DCBLD1: variants seen among roughly 807,000 people sequenced by gnomAD.
The protein encoded by DCBLD1 is discoidin, CUB and LCCL domain-containing protein 1.
A neutral mutation model predicts 71.5 loss-of-function variants in DCBLD1; 57 were observed. That is an observed-to-expected ratio of 0.80 (90% CI 0.64 to 0.99). The LOEUF (loss-of-function observed/expected upper bound fraction) is 0.99, where lower values mean the gene tolerates loss of function less well. Ranked by LOEUF, DCBLD1 falls within the 50% of genes least tolerant of loss-of-function variation. The pLI is 0.00. For synonymous variants in DCBLD1, 380 were observed against 363.8 expected, an observed-to-expected ratio of 1.04 and a Z score of -0.51; for missense variants, 891 against 923.5, an observed-to-expected ratio of 0.96 and a Z score of 0.46.
At chr6:117,553,595 T>A (rs1779458487), downstream of DCBLD1, among the ~76,000 whole-genome samples, 1 of 152,196 alleles carries the variant, frequency 6.6e-6, no homozygotes, top group Non-Finnish European at 1.5e-5. Flanking sequence ...TCTTGGAATT[T>A]TTGTCTGCCT....
At position 117,521,862 on chromosome 6, in the gene DCBLD1, G is replaced by A. The variant is rs369622033; in HGVS notation, c.512+286G>A. 2.0e-5 allele frequency among the ~76,000 whole-genome samples: 3 copies of A among 152,280 alleles called. 1 individual carries two copies. Among genetic ancestry groups the A allele is most frequent in the South Asian group, 4.1e-4 (2 of 4,826 alleles). ...GCAAAAAAGCAACCATAGACACCAT[G>A]TATACACTAACAGACATGCTGTGTT... is the stretch of plus-strand genomic sequence containing the variant. On this transcript the variant is annotated intron_variant, in intron 4 of 14. Transcript: ENST00000338728.
In DCBLD1 at chr6:117,538,629, G is replaced by A. The variant is rs1372873684; in HGVS notation, c.770G>A (p.Arg257Lys). 6 of 1,613,834 alleles carry A rather than the reference G, an allele frequency of 3.7e-6. No homozygotes were observed. Among genetic ancestry groups the A allele is most frequent in the Non-Finnish European group, 5.1e-6 (6 of 1,179,998 alleles). ...TGCACTCTTTTTTCAGGTTGCAGCAGATCCTTGAGTTTTGAACCTGACGGG... is the reference window on the plus strand; with the variant it reads ...TGCACTCTTTTTTCAGGTTGCAGCAAATCCTTGAGTTTTGAACCTGACGGG... ...RFLFTSNGCS[R>K]SLSFEPDGQI... Residue 257 changes from arginine to lysine, a missense_variant, in exon 8 of 15, where the codon AGA becomes AAA. Physicochemically the swap from Arg to Lys is conservative, Grantham distance 26. Coordinates refer to ENST00000338728, the MANE Select transcript of DCBLD1 (RefSeq NM_001366458.2).
rs1779376614 is a variant in DCBLD1 at position 117,549,135 on chromosome 6, G to C, written c.*696G>C. 1.0e-6 allele frequency: 1 copy of C among 985,524 alleles called. No individual in the cohort carries two copies. The highest frequency in any genetic ancestry group is 1.2e-6 in the Non-Finnish European group (1 of 830,116). 61.0% of individuals were successfully genotyped at this position (985,524 alleles called of 1,614,324 possible). Reference sequence around the variant, plus strand: ...TTCCTTAGTCTCCACTTCAGAGGGGGATGCGAAGAGGTCGGCCCAGCTCCG... The same window carrying C: ...TTCCTTAGTCTCCACTTCAGAGGGGCATGCGAAGAGGTCGGCCCAGCTCCG... On this transcript the variant is annotated 3_prime_UTR_variant, in exon 15 of 15. Coordinates refer to ENST00000338728, the MANE Select transcript of DCBLD1 (RefSeq NM_001366458.2).
At chr6:117,526,430 T>C (rs1778549356) in intron 5 of DCBLD1, among the ~76,000 whole-genome samples, 1 of 152,244 alleles carries the variant, frequency 6.6e-6, no homozygotes, top group African/African-American at 2.4e-5. Context: ...TGACATTTTT[T>C]CCCAGCAATA....
At chr6:117,491,739 C>T (rs1777300267) in intron 1 of DCBLD1, among the ~76,000 whole-genome samples, 1 of 152,178 alleles carries the variant, frequency 6.6e-6, no homozygotes, top group Non-Finnish European at 1.5e-5. Flanking sequence ...CACTTTTAAT[C>T]TATCACTGAC....
intron 4 of DCBLD1, among the ~76,000 whole-genome samples, 182 bp downstream of exon 4, chr6:117,521,758 G>A (rs568673608): frequency 5.9e-5 from 9 of 152,148 alleles, no homozygotes; most frequent in African/African-American, 2.2e-4. Context: ...CTGTCAAGGG[G>A]TAGATAATAA....
Position 117,544,518 on chromosome 6 carries a change from G to C in DCBLD1, c.1446-10G>C. ...TTATAAATATTCAGTAGGACTTTTT[G>C]TCTTGATAGGAAGAAGAAGAAAGGA... is the stretch of plus-strand genomic sequence containing the variant. On this transcript the variant is annotated splice_polypyrimidine_tract_variant and intron_variant, in intron 12 of 14. Transcript: ENST00000338728. The C allele has an allele frequency of 6.2e-7, 1 of 1,613,212 alleles. No individual in the cohort carries two copies. The highest frequency in any genetic ancestry group is 1.1e-5 in the South Asian group (1 of 90,812).
At position 117,503,859 on chromosome 6, in the gene DCBLD1, GAA is replaced by G. The variant is rs780890594; in HGVS notation, c.208_209del (p.Lys70AspfsTer27). On this transcript the variant is annotated frameshift_variant, in exon 2 of 15. Coordinates refer to ENST00000338728, the MANE Select transcript of DCBLD1 (RefSeq NM_001366458.2). LOFTEE classifies it high-confidence loss of function. Reference sequence around the variant, plus strand: ...GACCTACCCCAATCACACTGTTTGCGAAAAGACAATTACAGTACCAAAGGGGA... The same window carrying G: ...GACCTACCCCAATCACACTGTTTGCGAAGACAATTACAGTACCAAAGGGGA... Reference protein sequence around the residue: ...PGTYPNHTVCEKTITVPKGKR... With the variant: ...PGTYPNHTVCXKTITVPKGKR... 7 of 1,613,950 alleles carry G rather than the reference GAA, an allele frequency of 4.3e-6. No individual in the cohort carries two copies. The African/African-American group carries it at 5.3e-5, about 12-fold the overall frequency.
chr6:117,497,051 C>T (rs1036827747), intron 1 of DCBLD1, among the ~76,000 whole-genome samples: 7 of 152,024 alleles, frequency 4.6e-5, no homozygotes, highest in African/African-American at 9.7e-5. Context: ...TGTGATTAGC[C>T]GGGCTTGGTG....
chr6:117,554,749 C>T (rs1161323408), downstream of DCBLD1, among the ~76,000 whole-genome samples: 8 of 152,032 alleles, frequency 5.3e-5, no homozygotes, highest in Admixed American at 6.6e-5. Flanking sequence ...AAAAATTGGC[C>T]GGGAGTGGTG....
At chr6:117,545,191 C>T (rs2114567409) in intron 13 of DCBLD1, among the ~76,000 whole-genome samples, 1 of 152,076 alleles carries the variant, frequency 6.6e-6, no homozygotes, top group Middle Eastern at 3.4e-3. Flanking sequence ...CATGCCAGTG[C>T]AGATTGTCGG....
At chr6:117,540,613 A>G in intron 9 of DCBLD1, 55 bp from the exon 10 acceptor site, 1 of 1,603,260 alleles carries the variant, frequency 6.2e-7, no homozygotes, top group South Asian at 1.1e-5. Flanking sequence ...TGGGATGATA[A>G]ACACCTAAAA....
intron 7 of DCBLD1, 99 bp downstream of exon 7, chr6:117,537,324 G>T: frequency 1.8e-6 from 2 of 1,102,582 alleles, no homozygotes; most frequent in Middle Eastern, 2.4e-4. Context: ...CATGAGGTCA[G>T]GAGATCGAGA....
chr6:117,568,728 C>T (rs1244725463), intron 14 of DCBLD1, among the ~76,000 whole-genome samples: 1 of 152,150 alleles, frequency 6.6e-6, no homozygotes. Flanking sequence ...TGAGAAAAAG[C>T]TTTCTAAAAA....
chr6:117,538,718 C>G lies in DCBLD1; in HGVS notation c.859C>G (p.Pro287Ala). The G allele has an allele frequency of 1.2e-6, 2 of 1,614,192 alleles. No homozygotes were observed. The highest frequency in any genetic ancestry group is 1.7e-6 in the Non-Finnish European group (2 of 1,180,044). The change falls in exon 8 of 15, where the codon CCT becomes GCT. Residue 287 changes from proline (P) to alanine (A), a missense_variant. Transcript: ENST00000338728. ...NESGDQVHWS[P>A]GQARLQDQGP... ...GAGTGGAGACCAAGTTCACTGGTCT[C>G]CTGGCCAAGCCCGACTTCAGGACCA... is the stretch of plus-strand genomic sequence containing the variant.
At chr6:117,534,265 T>C (rs1225073410) in intron 6 of DCBLD1, among the ~76,000 whole-genome samples, 1 of 152,246 alleles carries the variant, frequency 6.6e-6, no homozygotes, top group Non-Finnish European at 1.5e-5. Context: ...CACACACATA[T>C]ATATAACATT....
At chr6:117,563,428 A>G (rs765769796) in intron 14 of DCBLD1, 4 of 1,606,154 alleles carry the variant, frequency 2.5e-6, no homozygotes, top group Admixed American at 1.7e-5. Context: ...TCTGGTTTAA[A>G]AAGTTGGTTT....
intron 14 of DCBLD1, among the ~76,000 whole-genome samples, chr6:117,565,087 ATTTC>A (rs1299328555): frequency 1.3e-5 from 2 of 152,192 alleles, no homozygotes; most frequent in East Asian, 1.9e-4. Context: ...AAAAAAATTC[ATTTC>A]TTTGTTAAAA....
chr6:117,512,734 T>G (rs1778065091), intron 2 of DCBLD1, among the ~76,000 whole-genome samples: 1 of 152,182 alleles, frequency 6.6e-6, no homozygotes, highest in African/African-American at 2.4e-5. Context: ...GAAAGAATTG[T>G]GTGCTTCAGA....
Sources: gnomAD v4.1 joint callset for allele counts (sites outside exome capture counted in the v4.1 genomes callset) on GRCh38, gnomAD v4.1.1 for gene constraint, MANE v1.5 for transcripts, NCBI Gene and HGNC (gene_info 2026-07-23, HGNC 2026-07-21) for gene names.